Variants in SLC44A2 observed in about 807,000 individuals in gnomAD.
The protein encoded by SLC44A2 is choline transporter-like protein 2.
Under a neutral mutation model 90.8 loss-of-function variants are expected in SLC44A2, and 57 were observed. That is an observed-to-expected ratio of 0.63 (90% CI 0.51 to 0.78). SLC44A2 has a LOEUF of 0.78. Among genes scored for constraint, SLC44A2 ranks in the 30% least tolerant of loss-of-function variants. The probability of loss-of-function intolerance (pLI) is 0.00; values close to 1 mark genes in which losing one functional copy is unlikely to be tolerated. For synonymous variants in SLC44A2, 355 were observed against 360.7 expected, an observed-to-expected ratio of 0.98 and a Z score of 0.18; for missense variants, 794 against 919.7, an observed-to-expected ratio of 0.86 and a Z score of 1.77.
At chr19:10,607,806 C>T (rs55755628) in intron 1 of SLC44A2, among the ~76,000 whole-genome samples, 18 of 147,296 alleles carry the variant, frequency 1.2e-4, no homozygotes, top group African/African-American at 4.2e-4. Context: ...AGTGCAGTGG[C>T]GTGATCTCGG....
chr19:10,629,680 C>T (rs539703089), intron 4 of SLC44A2, among the ~76,000 whole-genome samples: 42 of 152,100 alleles, frequency 2.8e-4, no homozygotes, highest in African/African-American at 9.2e-4. Context: ...TGGGCTTAAG[C>T]GATCTTCCCA....
chr19:10,626,206 T>C (rs1046491856), intron 1 of SLC44A2, 47 bp from the exon 2 acceptor site: 5 of 1,504,216 alleles, frequency 3.3e-6, no homozygotes, highest in Non-Finnish European at 4.6e-6. Context: ...AGCCCTGTCT[T>C]GGTTCAGGTC....
At chr19:10,610,643 T>TTTTTTTTTTTTTTG (rs1918271182) in intron 1 of SLC44A2, among the ~76,000 whole-genome samples, 1 of 127,992 alleles carries the variant, frequency 7.8e-6, no homozygotes, top group African/African-American at 3.1e-5. Context: ...TTTTTTTTTT[T>TTTTTTTTTTTTTTG]TTTTTTTTTT....
intron 1 of SLC44A2, among the ~76,000 whole-genome samples, chr19:10,620,413 T>C (rs1287282390): frequency 6.6e-6 from 1 of 152,100 alleles, no homozygotes; most frequent in Non-Finnish European, 1.5e-5. Context: ...ACCTGGATGT[T>C]GCAGTGAGCC....
chr19:10,637,782 G>A, intron 17 of SLC44A2, 35 bp downstream of exon 17: 1 of 1,613,346 alleles, frequency 6.2e-7, no homozygotes, highest in Non-Finnish European at 8.5e-7. Context: ...CAACCCGCCA[G>A]CTCCTGCTGG....
At chr19:10,633,067 G>A (rs1285148973) in intron 10 of SLC44A2, among the ~76,000 whole-genome samples, 1 of 152,142 alleles carries the variant, frequency 6.6e-6, no homozygotes, top group African/African-American at 2.4e-5. Flanking sequence ...AATATGGGTA[G>A]GGGCCTGTTT....
intron 16 of SLC44A2, chr19:10,636,992 T>C (rs147171412): frequency 3.8e-6 from 2 of 519,512 alleles, no homozygotes; most frequent in East Asian, 6.5e-5. Context: ...CCAAGAGGCC[T>C]GGCCCACCAT....
chr19:10,613,675 C>T (rs2066831466), intron 1 of SLC44A2, among the ~76,000 whole-genome samples: 2 of 152,042 alleles, frequency 1.3e-5, no homozygotes, highest in South Asian at 2.1e-4. Flanking sequence ...AGTGAGACCC[C>T]GTCTCTTTAA....
chr19:10,624,110 G>A (rs991815513), upstream of SLC44A2, among the ~76,000 whole-genome samples: 5 of 151,268 alleles, frequency 3.3e-5, no homozygotes, highest in African/African-American at 1.2e-4. Context: ...TGATTCTCCT[G>A]CCTCAGCCTC....
At position 10,637,673 on chromosome 19, in the gene SLC44A2, A is replaced by G. The variant is rs367628212; in HGVS notation, c.1621A>G (p.Met541Val). 6 of 1,614,018 alleles carry G rather than the reference A, an allele frequency of 3.7e-6. No homozygotes were observed. The African/African-American group carries it at 6.7e-5, about 18-fold the overall frequency. Residue 541 changes from methionine to valine, a missense_variant, in exon 17 of 22, where the codon ATG becomes GTG. Around this residue, in one of 3 missense-constraint regions of SLC44A2, gnomAD observed 738 missense variants for 841.1 expected, o/e 0.88. Coordinates refer to ENST00000335757, the MANE Select transcript of SLC44A2 (RefSeq NM_020428.4). ...AGAGAACAAGTTTGCCAAGTGCCTCATGACCTGTCTCAAATGCTGCTTCTG... is the reference window on the plus strand; with the variant it reads ...AGAGAACAAGTTTGCCAAGTGCCTCGTGACCTGTCTCAAATGCTGCTTCTG... ...AAENKFAKCL[M>V]TCLKCCFWCL...
chr19:10,607,509 C>T (rs563666175), intron 1 of SLC44A2, among the ~76,000 whole-genome samples: 2 of 143,548 alleles, frequency 1.4e-5, no homozygotes, highest in African/African-American at 5.1e-5. Context: ...TGCCGTGATA[C>T]TCAACTAATT....
chr19:10,611,416 C>T (rs1336455401), intron 1 of SLC44A2, among the ~76,000 whole-genome samples: 1 of 152,102 alleles, frequency 6.6e-6, no homozygotes, highest in Non-Finnish European at 1.5e-5. Context: ...TGCGCCACTG[C>T]ACTCCAGCCT....
chr19:10,613,998 T>C (rs1241008649), intron 1 of SLC44A2, among the ~76,000 whole-genome samples: 1 of 151,988 alleles, frequency 6.6e-6, no homozygotes, highest in Non-Finnish European at 1.5e-5. Flanking sequence ...CGAGTTTTGC[T>C]CTTGTTGCCC....
At chr19:10,621,896 C>T (rs146417769), upstream of SLC44A2, among the ~76,000 whole-genome samples, 33 of 152,280 alleles carry the variant, frequency 2.2e-4, no homozygotes, top group African/African-American at 6.3e-4. Context: ...GGATTATAGG[C>T]GTGAGCCACT....
chr19:10,636,321 A>T lies in SLC44A2; in HGVS notation c.1234-2A>T, dbSNP rs1265100485. On this transcript the variant is annotated splice_acceptor_variant, in intron 14 of 21. Coordinates refer to ENST00000335757, the MANE Select transcript of SLC44A2 (RefSeq NM_020428.4). LOFTEE classifies it high-confidence loss of function. ...GACTCGGTTCTCCCTTCTCTCCCAC[A>T]GACCTTCCCCTCCTCCAATGAGTCC... 6.2e-7 allele frequency: 1 copy of T among 1,608,630 alleles called. No homozygotes were observed. The highest frequency in any genetic ancestry group is 8.5e-7 in the Non-Finnish European group (1 of 1,176,654).
chr19:10,635,345 G>GGA, intron 13 of SLC44A2, 86 bp from the exon 14 acceptor site: 1 of 1,604,774 alleles, frequency 6.2e-7, no homozygotes, highest in Non-Finnish European at 8.5e-7. Flanking sequence ...GGATAGGGCT[G>GGA]GAAACTGGTG....
rs568625797 is a variant in SLC44A2, at chr19:10,615,157, G to A, written c.32-11096G>A. Among the ~76,000 whole-genome samples the A allele has an allele frequency of 3.2e-4, 49 of 151,698 alleles. No homozygotes were observed. The South Asian group carries it at 3.5e-3, about 11-fold the overall frequency. ...TCAAAAAGGTTTTCAGAGGCTGGGC[G>A]TGGTGGCTCACACCTGTAATCATAG... On this transcript the variant is annotated intron_variant, in intron 1 of 21. Transcript: ENST00000407327.
chr19:10,622,848 G>A (rs895933793), upstream of SLC44A2, among the ~76,000 whole-genome samples: 1 of 152,190 alleles, frequency 6.6e-6, no homozygotes, highest in Non-Finnish European at 1.5e-5. Context: ...GCTACAGTGA[G>A]CTGTGATTAT....
chr19:10,613,238 T>C (rs1213039030), intron 1 of SLC44A2, among the ~76,000 whole-genome samples: 1 of 151,336 alleles, frequency 6.6e-6, no homozygotes, highest in Non-Finnish European at 1.5e-5. Context: ...AGTTATTTTT[T>C]ACTTTTTATT....
Sources: allele counts gnomAD v4.1 joint callset (sites outside exome capture counted in the v4.1 genomes callset), GRCh38; gene constraint gnomAD v4.1.1; regional missense constraint gnomAD v4.1.1; transcripts MANE v1.5; gene names NCBI Gene and HGNC (gene_info 2026-07-23, HGNC 2026-07-21).